Variants in FAM13A observed in about 807,000 individuals in gnomAD.
FAM13A encodes family with sequence similarity 13 member A.
Under a neutral mutation model 129.6 loss-of-function variants are expected in FAM13A, and 76 were observed. That is an observed-to-expected ratio of 0.59 (90% CI 0.49 to 0.71). FAM13A has a LOEUF of 0.71. Among genes scored for constraint, FAM13A ranks in the 30% least tolerant of loss-of-function variants. The pLI, the probability that FAM13A is intolerant of heterozygous loss-of-function variation, is 0.00. For missense variants in FAM13A, 1,108 were observed against 1,249.3 expected (o/e 0.89, Z 1.70); for synonymous variants, 443 against 449.9 (o/e 0.98, Z 0.20).
At chr4:88,771,478 T>C (rs1720665674) in intron 11 of FAM13A, among the ~76,000 whole-genome samples, 1 of 152,178 alleles carries the variant, frequency 6.6e-6, no homozygotes, top group African/African-American at 2.4e-5. Context: ...TCATTGTCTT[T>C]TGAAGGTTTT....
chr4:89,046,921 T>TA (rs916326910), intron 1 of FAM13A, among the ~76,000 whole-genome samples: 12 of 150,738 alleles, frequency 8.0e-5, no homozygotes, highest in Middle Eastern at 3.4e-3. Context: ...TTTTTTTAAG[T>TA]AAAAAAAAAG....
intron 10 of FAM13A, among the ~76,000 whole-genome samples, chr4:88,782,001 TAAAAA>T (rs11353645): frequency 5.3e-5 from 8 of 150,428 alleles, no homozygotes; most frequent in Non-Finnish European, 1.5e-5. Context: ...GATAATAAAA[TAAAAA>T]AAATTAAAAA....
chr4:88,776,097 A>G (rs910968159), intron 11 of FAM13A, among the ~76,000 whole-genome samples: 2 of 152,210 alleles, frequency 1.3e-5, no homozygotes, highest in African/African-American at 2.4e-5. Flanking sequence ...TTTTATTTTT[A>G]TATATTAAAT....
chr4:88,875,587 T>C lies in FAM13A; in HGVS notation c.844-24404A>G, dbSNP rs570412773. Among the ~76,000 whole-genome samples the C allele has an allele frequency of 2.0e-5, 3 of 152,202 alleles. No individual in the cohort carries two copies. The South Asian group carries it at 6.2e-4, about 32-fold the overall frequency. ...AGAGAAATGCAAATCAAAACCACAA[T>C]GAGATACCATCTCACACCAGTTAAA... On this transcript the variant is annotated intron_variant, in intron 6 of 23. Transcript: ENST00000264344.
intron 4 of FAM13A, among the ~76,000 whole-genome samples, chr4:88,938,593 T>C (rs922447607): frequency 2.6e-5 from 4 of 152,094 alleles, no homozygotes; most frequent in African/African-American, 9.7e-5. Context: ...GCCACACAAA[T>C]AATAGCAACA....
intron 4 of FAM13A, among the ~76,000 whole-genome samples, chr4:88,939,701 T>A (rs573968630): frequency 6.6e-6 from 1 of 152,148 alleles, no homozygotes; most frequent in African/African-American, 2.4e-5. Flanking sequence ...TGTGTCACAA[T>A]GGATGAAACT....
At chr4:89,024,602 A>G (rs1404991586) in intron 2 of FAM13A, among the ~76,000 whole-genome samples, 1 of 152,214 alleles carries the variant, frequency 6.6e-6, no homozygotes, top group East Asian at 1.9e-4. Context: ...TCCCATTTCC[A>G]TGCCTGACAT....
intron 4 of FAM13A, among the ~76,000 whole-genome samples, chr4:88,964,565 AC>A (rs1454826208): frequency 6.6e-6 from 1 of 151,682 alleles, no homozygotes; most frequent in East Asian, 1.9e-4. Context: ...ATAATGAATC[AC>A]CACACTAGCA....
chr4:89,023,230 GTTTATC>G (rs1767509542), intron 2 of FAM13A, among the ~76,000 whole-genome samples: 1 of 152,088 alleles, frequency 6.6e-6, no homozygotes, highest in Non-Finnish European at 1.5e-5. Flanking sequence ...CTATACAAAA[GTTTATC>G]TTTAGCTTCA....
At chr4:88,749,101 T>C (rs754652860) in intron 16 of FAM13A, 68 bp from the exon 17 acceptor site, 1 of 1,182,754 alleles carries the variant, frequency 8.5e-7, no homozygotes, top group Non-Finnish European at 1.3e-6. Context: ...TGTTTGATGA[T>C]CATTTTTGTT....
rs1768422034 is a variant in FAM13A, at chr4:89,029,597, ACTGCCAC to A, written c.73_79del (p.Val25CysfsTer3). On this transcript the variant is annotated frameshift_variant, in exon 2 of 24. Transcript: ENST00000264344. LOFTEE classifies it high-confidence loss of function. ...AAAATCCTTCTGTTCATTTAATGGC[ACTGCCAC>A]TATCTTTTTCATGTCTTCTTTCAGC... 2 of 1,587,708 alleles carry A rather than the reference ACTGCCAC, an allele frequency of 1.3e-6. No homozygotes were observed. Among genetic ancestry groups the A allele is most frequent in the Admixed American group, 1.9e-5 (1 of 52,038 alleles).
At chr4:88,779,792 TCTAA>T (rs1282632963) in intron 11 of FAM13A, among the ~76,000 whole-genome samples, 1 of 152,146 alleles carries the variant, frequency 6.6e-6, no homozygotes, top group African/African-American at 2.4e-5. Context: ...ACTATTACCA[TCTAA>T]CTAACTGAAG....
chr4:89,052,962 G>C (rs1471774752), intron 1 of FAM13A, among the ~76,000 whole-genome samples: 2 of 152,098 alleles, frequency 1.3e-5, no homozygotes, highest in African/African-American at 4.8e-5. Context: ...GAGACTAAAA[G>C]TTGTCACCAT....
At position 88,924,317 on chromosome 4, in the gene FAM13A, CAG is replaced by C. The variant is rs1384411188; in HGVS notation, c.759+13769_759+13770del. 1.1e-4 allele frequency among the ~76,000 whole-genome samples: 16 copies of C among 152,246 alleles called. No individual in the cohort carries two copies. The East Asian group carries it at 2.9e-3, about 28-fold the overall frequency. On this transcript the variant is annotated intron_variant, in intron 5 of 23. Transcript: ENST00000264344. ...GACTTCAAACTATACTACAAGGCTA[CAG>C]TAACCAAAACAGCATGGTACTGGTA...
At chr4:89,020,280 C>CT (rs374510433) in intron 3 of FAM13A, among the ~76,000 whole-genome samples, 180 bp downstream of exon 3, 55,513 of 124,558 alleles carry the variant, frequency 0.45, 13,447 homozygotes, top group Middle Eastern at 0.61. Flanking sequence ...TTTTTCTGCC[C>CT]TTTTTTTTTT....
intron 17 of FAM13A, among the ~76,000 whole-genome samples, chr4:88,748,500 C>A (rs1282309667): frequency 2.6e-5 from 4 of 152,172 alleles, no homozygotes; most frequent in Non-Finnish European, 5.9e-5. Context: ...GTATGACTTA[C>A]ACACCTTATT....
intron 21 of FAM13A, among the ~76,000 whole-genome samples, chr4:88,734,119 C>G (rs1053951598): frequency 1.3e-5 from 2 of 151,964 alleles, no homozygotes; most frequent in Admixed American, 6.5e-5. Context: ...TGGGAAAAAT[C>G]AGTGATCAAC....
intron 4 of FAM13A, among the ~76,000 whole-genome samples, chr4:88,959,653 T>C (rs567460915): frequency 6.6e-6 from 1 of 152,340 alleles, no homozygotes; most frequent in Non-Finnish European, 1.5e-5. Flanking sequence ...CTTCACAAAA[T>C]ACTCAGTCTC....
chr4:88,910,940 G>A (rs1749007809), intron 5 of FAM13A, among the ~76,000 whole-genome samples: 1 of 152,106 alleles, frequency 6.6e-6, no homozygotes, highest in African/African-American at 2.4e-5. Flanking sequence ...GAGCCACCAC[G>A]CCCAGCTGCT....
Sources: gnomAD v4.1 joint callset for allele counts (sites outside exome capture counted in the v4.1 genomes callset) on GRCh38, gnomAD v4.1.1 for gene constraint, MANE v1.5 for transcripts, NCBI Gene and HGNC (gene_info 2026-07-23, HGNC 2026-07-21) for gene names.